KDM4C: variants seen among roughly 807,000 people sequenced by gnomAD.
The protein encoded by KDM4C is lysine demethylase 4C.
Under a neutral mutation model 129.3 loss-of-function variants are expected in KDM4C, and 81 were observed. The ratio of observed to expected loss-of-function variants is 0.63; its 90% CI spans 0.52 to 0.75. The LOEUF (loss-of-function observed/expected upper bound fraction) is 0.75. Among genes scored for constraint, KDM4C ranks in the 30% least tolerant of loss-of-function variants. KDM4C has a pLI of 0.00. For synonymous variants in KDM4C, 573 were observed against 456.1 expected (o/e 1.26, Z -3.26); for missense variants, 1,457 against 1,304.0 (o/e 1.12, Z -1.81).
Position 6,748,715 on chromosome 9 carries a change from A to G in KDM4C, c.49+27718A>G, listed in dbSNP as rs537285145. ...TCATTGATCATTTCTAGTTGGAGAC[A>G]CTTTGTAGCAGAGTAATATTATCTC... On this transcript the variant is annotated intron_variant, in intron 1 of 17. Transcript: ENST00000536108. 54 of 1,476,554 alleles carry G rather than the reference A, an allele frequency of 3.7e-5. No individual in the cohort carries two copies. The South Asian group carries it at 5.7e-4, about 16-fold the overall frequency. The allele number at this position is 1,476,554 out of a possible 1,614,324, so 91.5% of individuals were successfully genotyped here.
intron 15 of KDM4C, among the ~76,000 whole-genome samples, chr9:7,045,647 G>C (rs774690054): frequency 6.6e-6 from 1 of 151,794 alleles, no homozygotes. Flanking sequence ...CCTTGAGCTG[G>C]GTTTATAATG....
chr9:6,919,541 G>C (rs61395196), intron 8 of KDM4C, among the ~76,000 whole-genome samples: 1 of 60,444 alleles, frequency 1.7e-5, no homozygotes, highest in Non-Finnish European at 4.8e-5. Flanking sequence ...CTGTCTGTCT[G>C]TCTGTCTATC....
intron 1 of KDM4C, among the ~76,000 whole-genome samples, chr9:6,768,221 G>A (rs1006245629): frequency 2.6e-5 from 4 of 152,062 alleles, no homozygotes; most frequent in Admixed American, 1.3e-4. Flanking sequence ...AAATGCTTGT[G>A]TCTTCTCATT....
chr9:6,953,848 C>T (rs934357495), intron 8 of KDM4C, among the ~76,000 whole-genome samples: 1 of 152,218 alleles, frequency 6.6e-6, no homozygotes, highest in Admixed American at 6.5e-5. Context: ...GCCTCATCAT[C>T]ATTACATATT....
At chr9:7,073,578 G>A (rs1228835208) in intron 17 of KDM4C, among the ~76,000 whole-genome samples, 1 of 152,118 alleles carries the variant, frequency 6.6e-6, no homozygotes, top group African/African-American at 2.4e-5. Flanking sequence ...CCAAGAAAAC[G>A]ATTATCTCAG....
intron 12 of KDM4C, among the ~76,000 whole-genome samples, chr9:6,999,860 A>G (rs547484549): frequency 6.6e-6 from 1 of 152,206 alleles, no homozygotes; most frequent in Non-Finnish European, 1.5e-5. Flanking sequence ...TGGCTGCTGC[A>G]TGTCATGCTC....
intron 8 of KDM4C, among the ~76,000 whole-genome samples, chr9:6,904,259 T>C (rs1817910354): frequency 6.6e-6 from 1 of 152,086 alleles, no homozygotes; most frequent in African/African-American, 2.4e-5. Context: ...AAAAAAAATC[T>C]GTATCTATGT....
intron 15 of KDM4C, among the ~76,000 whole-genome samples, chr9:7,030,744 G>C (rs1283969321): frequency 6.6e-6 from 1 of 152,066 alleles, no homozygotes; most frequent in Non-Finnish European, 1.5e-5. Flanking sequence ...AGTTAATTCA[G>C]GAGAATTTGA....
intron 15 of KDM4C, among the ~76,000 whole-genome samples, chr9:7,030,975 C>A (rs1001657883): frequency 3.9e-5 from 6 of 151,912 alleles, no homozygotes; most frequent in African/African-American, 1.5e-4. Context: ...TTTTACTCTG[C>A]AGAATCATAA....
intron 8 of KDM4C, among the ~76,000 whole-genome samples, chr9:6,921,499 C>T (rs189589218): frequency 6.6e-6 from 1 of 152,340 alleles, no homozygotes; most frequent in East Asian, 1.9e-4. Context: ...CCAATCAATT[C>T]TGTTGGCTCT....
At chr9:6,923,626 G>T (rs1352297340) in intron 8 of KDM4C, among the ~76,000 whole-genome samples, 2 of 152,180 alleles carry the variant, frequency 1.3e-5, no homozygotes, top group African/African-American at 4.8e-5. Flanking sequence ...TACATTACAG[G>T]CAAGTTCTTC....
intron 1 of KDM4C, among the ~76,000 whole-genome samples, chr9:6,724,911 A>C (rs1490386114): frequency 6.6e-6 from 1 of 152,130 alleles, no homozygotes; most frequent in Non-Finnish European, 1.5e-5. Flanking sequence ...GCAGTTCTGA[A>C]AGAAGTCCAA....
At position 6,860,062 on chromosome 9, in the gene KDM4C, A is replaced by C. The variant is rs149231024; in HGVS notation, c.629+10362A>C. On this transcript the variant is annotated intron_variant, in intron 5 of 21. Transcript: ENST00000381309. ...CTTTTTACACCATCAACTTTCTTTT[A>C]ATTAGATTTTATGCAGAACTAAAAG... Among the ~76,000 whole-genome samples, 778 of 152,260 alleles carry C rather than the reference A, an allele frequency of 5.1e-3. 7 individuals are homozygous for C. The highest frequency in any genetic ancestry group is 0.018 in the African/African-American group (740 of 41,556).
intron 17 of KDM4C, chr9:7,077,158 C>T: frequency 1.0e-6 from 1 of 985,356 alleles, no homozygotes; most frequent in Non-Finnish European, 1.2e-6. Flanking sequence ...GAGAACGGAC[C>T]TGTTGCTGAA....
At chr9:6,855,458 CAAAAAAAAAA>C (rs34177301) in intron 5 of KDM4C, among the ~76,000 whole-genome samples, 8,329 of 70,044 alleles carry the variant, frequency 0.12, 388 homozygotes, top group South Asian at 0.3. Flanking sequence ...GACTCCGTCT[CAAAAAAAAAA>C]AAAAAAAAAA....
intron 17 of KDM4C, among the ~76,000 whole-genome samples, chr9:7,073,437 C>G (rs1437769699): frequency 1.3e-5 from 2 of 152,078 alleles, no homozygotes; most frequent in East Asian, 1.9e-4. Context: ...TGTGTAAATC[C>G]TGGACTCCTG....
intron 19 of KDM4C, among the ~76,000 whole-genome samples, chr9:7,138,013 G>A (rs560925598): frequency 6.6e-6 from 1 of 152,280 alleles, no homozygotes; most frequent in East Asian, 1.9e-4. Flanking sequence ...TTATTTAAAA[G>A]AAGTTAGTTA....
chr9:6,739,408 C>T (rs1196909971), intron 1 of KDM4C, among the ~76,000 whole-genome samples: 2 of 151,962 alleles, frequency 1.3e-5, no homozygotes, highest in East Asian at 3.9e-4. Context: ...CCAGAAAATC[C>T]TGTTTAAAAT....
intron 19 of KDM4C, among the ~76,000 whole-genome samples, chr9:7,131,967 A>G (rs986895228): frequency 1.3e-5 from 2 of 152,214 alleles, no homozygotes; most frequent in Admixed American, 6.5e-5. Context: ...CACAATGTGC[A>G]TATCAGATGT....
Sources: allele counts gnomAD v4.1 joint callset (sites outside exome capture counted in the v4.1 genomes callset), GRCh38; gene constraint gnomAD v4.1.1; transcripts MANE v1.5; gene names NCBI Gene and HGNC (gene_info 2026-07-23, HGNC 2026-07-21).